RGS6: variants seen among roughly 807,000 people sequenced by gnomAD.
RGS6 encodes regulator of G-protein signaling 6.
In RGS6, 30 loss-of-function variants were observed where a neutral mutation model predicts 78.5. The ratio of observed to expected loss-of-function variants is 0.38; its 90% CI spans 0.29 to 0.52. The LOEUF is 0.52. Ranked by LOEUF, RGS6 falls within the 20% of genes least tolerant of loss-of-function variation. RGS6 has a pLI of 0.85. For synonymous variants in RGS6, 206 were observed against 206.0 expected (o/e 1.00, Z 0.00); for missense variants, 495 against 609.7 (o/e 0.81, Z 1.98).
chr14:72,252,083 A>G (rs1488355046), intron 2 of RGS6, among the ~76,000 whole-genome samples: 4 of 152,214 alleles, frequency 2.6e-5, no homozygotes, highest in Non-Finnish European at 5.9e-5. Context: ...TACCATAGAT[A>G]AGATGGATGC....
chr14:71,984,623 G>A (rs1004507877), intron 2 of RGS6, among the ~76,000 whole-genome samples: 5 of 152,122 alleles, frequency 3.3e-5, no homozygotes, highest in African/African-American at 4.8e-5. Context: ...CAGGTGATGG[G>A]AGCTACGTGA....
chr14:72,362,777 A>G (rs572999911), intron 3 of RGS6, among the ~76,000 whole-genome samples: 1 of 152,344 alleles, frequency 6.6e-6, no homozygotes, highest in South Asian at 2.1e-4. Flanking sequence ...GAGGATGGAG[A>G]AACCAACTCC....
chr14:71,884,279 A>G, the RGS6 span, among the ~76,000 whole-genome samples: 1 of 152,188 alleles, frequency 6.6e-6, no homozygotes, highest in Non-Finnish European at 1.5e-5. Flanking sequence ...GGCAAAGGAG[A>G]GATGGTCTCT....
intron 15 of RGS6, among the ~76,000 whole-genome samples, chr14:72,533,905 A>G (rs956768111): frequency 7.2e-5 from 11 of 152,252 alleles, no homozygotes; most frequent in African/African-American, 1.4e-4. Context: ...TGTTGCAAAC[A>G]TTGTTGAGAT....
intron 2 of RGS6, among the ~76,000 whole-genome samples, chr14:72,052,987 C>T (rs4048385): frequency 0.078 from 4,186 of 53,676 alleles, 138 homozygotes; most frequent in Non-Finnish European, 0.092. Context: ...CTTTCTTTCT[C>T]TCTCTCTCTC....
At chr14:71,900,449 C>T in the RGS6 span, among the ~76,000 whole-genome samples, 1 of 152,122 alleles carries the variant, frequency 6.6e-6, no homozygotes, top group Non-Finnish European at 1.5e-5. Flanking sequence ...GAAATCAATT[C>T]ATCTTGTTTT....
intron 2 of RGS6, among the ~76,000 whole-genome samples, chr14:72,129,957 G>A (rs1215800827): frequency 1.3e-5 from 2 of 152,098 alleles, no homozygotes; most frequent in African/African-American, 4.8e-5. Context: ...ACTTAGTACA[G>A]ACCCTACAGG....
chr14:72,517,642 T>C (rs144172897), intron 14 of RGS6, among the ~76,000 whole-genome samples: 4 of 152,352 alleles, frequency 2.6e-5, no homozygotes, highest in Admixed American at 2.6e-4. Context: ...CTGAAACCCA[T>C]ATATTGAGCA....
intron 3 of RGS6, among the ~76,000 whole-genome samples, chr14:72,368,432 T>G (rs2082827334): frequency 6.6e-6 from 1 of 152,204 alleles, no homozygotes; most frequent in South Asian, 2.1e-4. Flanking sequence ...AATTTCAAGA[T>G]GAGTTTTGGA....
the RGS6 span, among the ~76,000 whole-genome samples, chr14:72,597,923 C>T: frequency 6.6e-6 from 1 of 152,192 alleles, no homozygotes; most frequent in African/African-American, 2.4e-5. Context: ...TCCTTTCCTC[C>T]CCTCCTGAAC....
intron 2 of RGS6, among the ~76,000 whole-genome samples, chr14:72,277,787 A>G (rs981238443): frequency 6.6e-6 from 1 of 151,574 alleles, no homozygotes; most frequent in Non-Finnish European, 1.5e-5. Flanking sequence ...AATTAGCTAG[A>G]CTTGGTGGTA....
chr14:72,264,933 G>A (rs930388846), intron 2 of RGS6, among the ~76,000 whole-genome samples: 5 of 152,178 alleles, frequency 3.3e-5, no homozygotes, highest in Non-Finnish European at 1.5e-5. Flanking sequence ...CTGGTGCTTG[G>A]CAGCTGTCCA....
At chr14:72,562,015 G>A (rs1166064183) in intron 17 of RGS6, among the ~76,000 whole-genome samples, 8 of 152,256 alleles carry the variant, frequency 5.3e-5, no homozygotes, top group Middle Eastern at 3.4e-3. Flanking sequence ...TCAAGCCCCC[G>A]TCCCTGATCT....
intron 2 of RGS6, chr14:71,990,585 T>C (rs1566972115): frequency 2.2e-6 from 1 of 456,010 alleles, no homozygotes; most frequent in Non-Finnish European, 4.4e-6. Flanking sequence ...TTCACAAGCA[T>C]TCTGTCTTGG....
chr14:72,182,826 T>G (rs998567970), intron 2 of RGS6, among the ~76,000 whole-genome samples: 1 of 152,248 alleles, frequency 6.6e-6, no homozygotes, highest in African/African-American at 2.4e-5. Flanking sequence ...GGGCACGATT[T>G]AGCAGAACTT....
intron 2 of RGS6, among the ~76,000 whole-genome samples, chr14:71,977,620 A>G (rs1045970044): frequency 0.024 from 3,557 of 150,218 alleles, 128 homozygotes; most frequent in African/African-American, 0.08. Context: ...CCGTTGATCT[A>G]TATCTCTGTT....
chr14:72,214,432 A>T (rs2045044846), intron 2 of RGS6, among the ~76,000 whole-genome samples: 1 of 152,134 alleles, frequency 6.6e-6, no homozygotes, highest in Non-Finnish European at 1.5e-5. Context: ...TAGCGTGTGT[A>T]TGTATAAATT....
At chr14:72,429,378 C>T (rs181926286) in intron 3 of RGS6, among the ~76,000 whole-genome samples, 4 of 152,182 alleles carry the variant, frequency 2.6e-5, no homozygotes, top group Admixed American at 2.0e-4. Flanking sequence ...TCTTGAAAAA[C>T]AAAAAGAAGT....
intron 3 of RGS6, among the ~76,000 whole-genome samples, chr14:72,353,706 G>A (rs2079591823): frequency 6.6e-6 from 1 of 152,146 alleles, no homozygotes; most frequent in Non-Finnish European, 1.5e-5. Flanking sequence ...GAACAGGCCA[G>A]GCATGATGGC....
Sources: allele counts gnomAD v4.1 joint callset (sites outside exome capture counted in the v4.1 genomes callset), GRCh38; gene constraint gnomAD v4.1.1; transcripts MANE v1.5; gene names NCBI Gene and HGNC (gene_info 2026-07-23, HGNC 2026-07-21).